Variants in SLIT2 observed in about 807,000 individuals in gnomAD.
SLIT2 encodes the protein slit homolog 2 protein.
In SLIT2, 41 loss-of-function variants were observed where a neutral mutation model predicts 185.7. That is an observed-to-expected ratio of 0.22 (90% CI 0.17 to 0.29). The LOEUF (loss-of-function observed/expected upper bound fraction) is 0.29, where lower values mean the gene tolerates loss of function less well. SLIT2 is among the 10% of genes least tolerant of loss of function. The probability of loss-of-function intolerance (pLI) is 1.00; values close to 1 mark genes in which losing one functional copy is unlikely to be tolerated. For synonymous variants in SLIT2, 693 were observed against 680.2 expected, an observed-to-expected ratio of 1.02 and a Z score of -0.29; for missense variants, 1,571 against 1,909.0, an observed-to-expected ratio of 0.82 and a Z score of 3.30.
At chr4:20,480,851 G>A in intron 6 of SLIT2, 64 bp downstream of exon 6, 1 of 1,152,782 alleles carries the variant, frequency 8.7e-7, no homozygotes, top group African/African-American at 1.5e-5. Flanking sequence ...GACTAATGTG[G>A]AAGCTTATCT....
At chr4:20,305,890 T>C (rs1220804076) in intron 4 of SLIT2, among the ~76,000 whole-genome samples, 1 of 143,804 alleles carries the variant, frequency 7.0e-6, no homozygotes, top group Non-Finnish European at 1.5e-5. Context: ...ATAATAATAA[T>C]AATAATAATA....
intron 4 of SLIT2, among the ~76,000 whole-genome samples, chr4:20,374,829 A>G (rs1304668022): frequency 2.0e-5 from 3 of 152,136 alleles, no homozygotes; most frequent in South Asian, 2.1e-4. Flanking sequence ...CGCTGTGACA[A>G]TATAAACTTA....
intron 4 of SLIT2, among the ~76,000 whole-genome samples, chr4:20,420,490 A>G (rs575988009): frequency 6.6e-6 from 1 of 152,164 alleles, no homozygotes. Flanking sequence ...AATATATTTT[A>G]TTTATTTAAC....
intron 4 of SLIT2, among the ~76,000 whole-genome samples, chr4:20,305,595 G>A (rs773359410): frequency 2.4e-4 from 36 of 152,104 alleles, no homozygotes; most frequent in African/African-American, 8.2e-4. Flanking sequence ...AATCCTGACC[G>A]GGCATGGTGG....
chr4:20,255,079 C>A (rs1323305961), intron 1 of SLIT2: 1 of 456,036 alleles, frequency 2.2e-6, no homozygotes, highest in Admixed American at 2.3e-5. Context: ...GCCCTAGGCA[C>A]GTTCCGCTCT....
At chr4:20,486,305 A>G (rs559495143) in intron 7 of SLIT2, 34 bp downstream of exon 7, 1 of 1,196,276 alleles carries the variant, frequency 8.4e-7, no homozygotes, top group South Asian at 1.2e-5. Context: ...AAGTCATATT[A>G]ATCAATTAAA....
At chr4:20,481,064 A>G (rs921777562) in intron 6 of SLIT2, among the ~76,000 whole-genome samples, 2 of 152,058 alleles carry the variant, frequency 1.3e-5, no homozygotes, top group Admixed American at 6.6e-5. Flanking sequence ...ATTGCTAAAT[A>G]TTGAGATAAA....
intron 4 of SLIT2, among the ~76,000 whole-genome samples, chr4:20,372,481 A>C (rs919233774): frequency 6.6e-6 from 1 of 152,042 alleles, no homozygotes; most frequent in African/African-American, 2.4e-5. Context: ...ATGATTTTAT[A>C]TTATCTATTG....
intron 21 of SLIT2, among the ~76,000 whole-genome samples, chr4:20,544,391 T>C (rs1372265156): frequency 6.6e-6 from 1 of 152,144 alleles, no homozygotes; most frequent in Non-Finnish European, 1.5e-5. Context: ...CTAAGCTCCA[T>C]TGGACATCCT....
intron 33 of SLIT2, among the ~76,000 whole-genome samples, chr4:20,602,135 A>T (rs1265082485): frequency 1.3e-5 from 2 of 152,240 alleles, no homozygotes; most frequent in Non-Finnish European, 2.9e-5. Flanking sequence ...CAGTATGAAG[A>T]CAATTATTTT....
At chr4:20,523,362 C>T (rs961727589) in intron 12 of SLIT2, among the ~76,000 whole-genome samples, 9 of 152,176 alleles carry the variant, frequency 5.9e-5, no homozygotes, top group Non-Finnish European at 5.9e-5. Flanking sequence ...ACACTAGCTA[C>T]TGTTTTGAGA....
chr4:20,523,378 C>T (rs941115220), intron 12 of SLIT2, among the ~76,000 whole-genome samples: 7 of 152,052 alleles, frequency 4.6e-5, no homozygotes, highest in Non-Finnish European at 7.4e-5. Context: ...TGAGAATAGC[C>T]TGAACTACTT....
chr4:20,473,704 T>C (rs998313391), intron 5 of SLIT2, among the ~76,000 whole-genome samples: 1 of 152,012 alleles, frequency 6.6e-6, no homozygotes, highest in Non-Finnish European at 1.5e-5. Flanking sequence ...ATATTTTTAA[T>C]TTTTTCTCAT....
chr4:20,614,124 C>T (rs144400245), intron 34 of SLIT2, among the ~76,000 whole-genome samples: 13 of 152,104 alleles, frequency 8.5e-5, no homozygotes, highest in Non-Finnish European at 1.2e-4. Context: ...CCACCCACCT[C>T]GGCCTCCCAA....
intron 4 of SLIT2, among the ~76,000 whole-genome samples, chr4:20,349,355 A>G (rs546038496): frequency 1.3e-5 from 2 of 152,340 alleles, no homozygotes; most frequent in African/African-American, 4.8e-5. Context: ...CCTAACAAGG[A>G]TGTGCACAGC....
At chr4:20,499,376 A>G (rs1161324526) in intron 9 of SLIT2, among the ~76,000 whole-genome samples, 2 of 152,046 alleles carry the variant, frequency 1.3e-5, no homozygotes, top group Non-Finnish European at 2.9e-5. Context: ...ATACGCTTAA[A>G]CTTTTTGCTT....
chr4:20,491,987 G>A, intron 9 of SLIT2, 88 bp downstream of exon 9: 1 of 1,314,970 alleles, frequency 7.6e-7, no homozygotes, highest in East Asian at 2.3e-5. Context: ...TTTATCGAAG[G>A]CACATCTGAT....
intron 9 of SLIT2, among the ~76,000 whole-genome samples, chr4:20,507,497 A>G (rs1418110220): frequency 6.6e-6 from 1 of 151,954 alleles, no homozygotes; most frequent in African/African-American, 2.4e-5. Context: ...GCATTTAAAA[A>G]TACTTACATT....
At position 20,533,525 on chromosome 4, in the gene SLIT2, C is replaced by A. The variant is rs747569436; in HGVS notation, c.1689-47C>A. 4 of 1,440,560 alleles carry A rather than the reference C, an allele frequency of 2.8e-6. No individual in the cohort carries two copies. The African/African-American group carries it at 4.3e-5, about 15-fold the overall frequency. The allele number at this position is 1,440,560 out of a possible 1,614,324, so 89.2% of individuals were successfully genotyped here. A position where few individuals can be genotyped will look rare whatever the true frequency, so the allele number is the denominator to read the frequency against. On this transcript the variant is annotated intron_variant, in intron 17 of 36. Coordinates refer to ENST00000504154, the MANE Select transcript of SLIT2 (RefSeq NM_004787.4). Reference sequence around the variant, plus strand: ...TTATCAACTATGTTTCAATTCCCACCTTGTTAGAAATTATTTAAAACCTTT... The same window carrying A: ...TTATCAACTATGTTTCAATTCCCACATTGTTAGAAATTATTTAAAACCTTT...
Sources: allele counts gnomAD v4.1 joint callset (sites outside exome capture counted in the v4.1 genomes callset), GRCh38; gene constraint gnomAD v4.1.1; transcripts MANE v1.5; gene names NCBI Gene and HGNC (gene_info 2026-07-23, HGNC 2026-07-21).